APOE: variants seen among roughly 807,000 people sequenced by gnomAD.
APOE encodes apolipoprotein E3.
In APOE, 10 loss-of-function variants were observed where a neutral mutation model predicts 13.1. That is an observed-to-expected ratio of 0.76 (90% confidence interval 0.47 to 1.29). APOE has a LOEUF of 1.29. APOE is among the 50% of genes most tolerant of loss of function. APOE has a pLI of 0.00. For missense variants in APOE, 471 were observed against 459.6 expected (o/e 1.02, Z -0.23); for synonymous variants, 211 against 207.1 (o/e 1.02, Z -0.16).
chr19:44,907,307 T>A lies in APOE; in HGVS notation c.44-453T>A, dbSNP rs1969826588. On this transcript the variant is annotated intron_variant, in intron 2 of 3. Transcript: ENST00000252486. This position sits in a 1 kb window ranked among gnomAD's most constrained non-coding sequence, Gnocchi z 4.1. The stretch of plus-strand genomic sequence containing the variant: ...GGGGCACACAAGGACACTCAATACA[T>A]GCTTTTCCGCTGGGCGCGGTGGCTC... 3.7e-6 allele frequency: 1 copy of A among 271,152 alleles called. No individual in the cohort carries two copies. The highest frequency in any genetic ancestry group is 4.7e-5 in the Admixed American group (1 of 21,180). The allele number at this position is 271,152 out of a possible 1,614,324, so 16.8% of individuals were successfully genotyped here.
Position 44,906,629 on chromosome 19 carries a change from A to G in APOE, c.5A>G (p.Lys2Arg). The change falls in exon 2 of 4, where the codon AAG (lysine) becomes AGG (arginine). Residue 2 changes from lysine (K) to arginine (R), a missense_variant. Transcript: ENST00000252486. M[K>R]VLWAALLVTF... is the part of the protein sequence containing the mutation. ...TGGCCAATCACAGGCAGGAAGATGA[A>G]GGTTCTGTGGGCTGCGTTGCTGGTC... 15 of 1,613,926 alleles carry G rather than the reference A, an allele frequency of 9.3e-6. No homozygotes were observed. Among genetic ancestry groups the G allele is most frequent in the Non-Finnish European group, 1.3e-5 (15 of 1,179,960 alleles).
chr19:44,906,608 C>T lies in APOE; in HGVS notation c.-17C>T. ...ACAGTTTCTCCTTCCCCAGACTGGC[C>T]AATCACAGGCAGGAAGATGAAGGTT... On this transcript the variant is annotated 5_prime_UTR_variant, in exon 2 of 4. Transcript: ENST00000252486. 6.2e-7 allele frequency: 1 copy of T among 1,614,014 alleles called. No individual in the cohort carries two copies. Among genetic ancestry groups the T allele is most frequent in the Non-Finnish European group, 8.5e-7 (1 of 1,180,000 alleles).
chr19:44,907,732 T>A lies in APOE; in HGVS notation c.44-28T>A. 1 of 1,589,550 alleles carries A rather than the reference T, an allele frequency of 6.3e-7. No individual in the cohort carries two copies. The highest frequency in any genetic ancestry group is 1.1e-5 in the South Asian group (1 of 88,700). On this transcript the variant is annotated intron_variant, in intron 2 of 3. Transcript: ENST00000252486. This position sits in a 1 kb window ranked among gnomAD's most constrained non-coding sequence, Gnocchi z 4.1. ...TGCCTGGACGGGGTCAGAAGGACCC[T>A]GACCCACCTTGAACTTGTTCCACAC...
At position 44,907,711 on chromosome 19, in the gene APOE, T is replaced by C. The variant is rs1377258817; in HGVS notation, c.44-49T>C. Reference sequence around the variant, plus strand: ...TGTGTGCCCCTAGGTACTAGATGCCTGGACGGGGTCAGAAGGACCCTGACC... The same window carrying C: ...TGTGTGCCCCTAGGTACTAGATGCCCGGACGGGGTCAGAAGGACCCTGACC... On this transcript the variant is annotated intron_variant, in intron 2 of 3. Transcript: ENST00000252486. The surrounding 1 kb of genome is among the most constrained non-coding windows in gnomAD (Gnocchi z 4.1). 2 of 1,541,732 alleles carry C rather than the reference T, an allele frequency of 1.3e-6. No homozygotes were observed. Among genetic ancestry groups the C allele is most frequent in the African/African-American group, 1.4e-5 (1 of 73,572 alleles).
In APOE at chr19:44,905,811, G is replaced by A. The variant is rs1259144312; in HGVS notation, c.-54G>A. 1 of 1,274,544 alleles carries A rather than the reference G, an allele frequency of 7.8e-7. No individual in the cohort carries two copies. The highest frequency in any genetic ancestry group is 1.0e-6 in the Non-Finnish European group (1 of 964,772). The allele number at this position is 1,274,544 out of a possible 1,614,324, so 79.0% of individuals were successfully genotyped here. On this transcript the variant is annotated 5_prime_UTR_variant, in exon 1 of 4. Transcript: ENST00000252486. ...TCCTTGAGTCCTACTCAGCCCCAGC[G>A]GAGGTGAAGGACGTCCTTCCCCAGG...
intron 2 of APOE, chr19:44,906,925 G>A: frequency 1.9e-6 from 1 of 535,562 alleles, no homozygotes; most frequent in Non-Finnish European, 3.4e-6. Context: ...CTGTCGCCCA[G>A]GCTGGAGTGC....
rs1568615382 is a variant in APOE, at chr19:44,906,640, G to A, written c.16G>A (p.Ala6Thr). The A allele has an allele frequency of 1.5e-5, 25 of 1,614,132 alleles. No homozygotes were observed. The highest frequency in any genetic ancestry group is 2.0e-5 in the Non-Finnish European group (24 of 1,180,022). ...AGGCAGGAAGATGAAGGTTCTGTGG[G>A]CTGCGTTGCTGGTCACATTCCTGGC... MKVLW[A>T]ALLVTFLAGC... is the part of the protein sequence containing the mutation. The change falls in exon 2 of 4, where the codon GCT (alanine) becomes ACT (threonine). Residue 6 changes from alanine to threonine, a missense_variant. Transcript: ENST00000252486.
chr19:44,908,577 CG>C lies in APOE; in HGVS notation c.283del (p.Glu95AsnfsTer6). ...ETMKELKAYK[S>X]ELEEQLTPVA... is the part of the protein sequence containing the mutation. ...ATGAAGGAGTTGAAGGCCTACAAAT[CG>C]GAACTGGAGGAACAACTGACCCCGG... On this transcript the variant is annotated frameshift_variant, in exon 4 of 4. Coordinates refer to ENST00000252486, the MANE Select transcript of APOE (RefSeq NM_000041.4). LOFTEE classifies it low-confidence loss of function (END_TRUNC). 6.2e-7 allele frequency: 1 copy of C among 1,613,660 alleles called. No individual in the cohort carries two copies. Among genetic ancestry groups the C allele is most frequent in the Non-Finnish European group, 8.5e-7 (1 of 1,179,666 alleles).
Position 44,909,152 on chromosome 19 carries a change from C to T in APOE, c.856C>T (p.Leu286=), listed in dbSNP as rs750138933. ...CCGCCTCAAGAGCTGGTTCGAGCCC[C>T]TGGTGGAAGACATGCAGCGCCAGTG... ...QARLKSWFEP[L]VEDMQRQWAG... The change falls in exon 4 of 4, where the codon CTG becomes TTG. Residue 286 remains leucine (L), a synonymous_variant. Transcript: ENST00000252486. The T allele has an allele frequency of 4.4e-6, 7 of 1,601,522 alleles. No individual in the cohort carries two copies. In the Middle Eastern group the frequency reaches 8.4e-4, roughly 193 times the overall value.
intron 1 of APOE, 151 bp from the exon 2 acceptor site, chr19:44,906,450 TG>T (rs1419735889): frequency 2.6e-6 from 2 of 769,016 alleles, no homozygotes; most frequent in African/African-American, 1.7e-5. Context: ...GGGAATGGGT[TG>T]GGGGCGGCTT....
Position 44,908,513 on chromosome 19 carries a change from T to A in APOE, c.237-20T>A. 1.9e-5 allele frequency: 28 copies of A among 1,491,380 alleles called. No individual in the cohort carries two copies. The highest frequency in any genetic ancestry group is 5.4e-5 in the East Asian group (2 of 36,914). The allele number at this position is 1,491,380 out of a possible 1,614,324, so 92.4% of individuals were successfully genotyped here. A position where few individuals can be genotyped will look rare whatever the true frequency, so the allele number is the denominator to read the frequency against. On this transcript the variant is annotated intron_variant, in intron 3 of 3. Transcript: ENST00000252486. ...CCCCGCCTCCCACTGTGCGACACCC[T>A]CCCGCCCTCTCGGCCGCAGGGCGCT...
chr19:44,907,048 C>T lies in APOE; in HGVS notation c.43+381C>T, dbSNP rs931838269. ...GGCACATGCCACCACACCCGACTAACTTTTTTGTATTTTCAGTAGAGACGG... is the reference window on the plus strand; with the variant it reads ...GGCACATGCCACCACACCCGACTAATTTTTTTGTATTTTCAGTAGAGACGG... On this transcript the variant is annotated intron_variant, in intron 2 of 3. Transcript: ENST00000252486. This position sits in a 1 kb window ranked among gnomAD's most constrained non-coding sequence, Gnocchi z 4.1. 10 of 263,634 alleles carry T rather than the reference C, an allele frequency of 3.8e-5. No individual in the cohort carries two copies. Among genetic ancestry groups the T allele is most frequent in the Non-Finnish European group, 7.4e-5 (10 of 134,912 alleles). The allele number at this position is 263,634 out of a possible 1,614,324, so 16.3% of individuals were successfully genotyped here. A position where few individuals can be genotyped will look rare whatever the true frequency, so the allele number is the denominator to read the frequency against.
In APOE at chr19:44,907,045, T is replaced by C. The variant is rs1969822396; in HGVS notation, c.43+378T>C. 7.5e-6 allele frequency: 2 copies of C among 265,758 alleles called. No homozygotes were observed. Among genetic ancestry groups the C allele is most frequent in the Non-Finnish European group, 1.5e-5 (2 of 136,240 alleles). 16.5% of individuals were successfully genotyped at this position (265,758 alleles called of 1,614,324 possible). A position where few individuals can be genotyped will look rare whatever the true frequency, so the allele number is the denominator to read the frequency against. ...ACAGGCACATGCCACCACACCCGAC[T>C]AACTTTTTTGTATTTTCAGTAGAGA... On this transcript the variant is annotated intron_variant, in intron 2 of 3. Coordinates refer to ENST00000252486, the MANE Select transcript of APOE (RefSeq NM_000041.4). This position sits in a 1 kb window ranked among gnomAD's most constrained non-coding sequence, Gnocchi z 4.1.
rs912866191 is a variant in APOE, at chr19:44,908,409, G to A, written c.237-124G>A. The A allele has an allele frequency of 1.5e-5, 14 of 950,348 alleles. No homozygotes were observed. The highest frequency in any genetic ancestry group is 2.2e-5 in the Non-Finnish European group (13 of 603,722). The allele number at this position is 950,348 out of a possible 1,614,324, so 58.9% of individuals were successfully genotyped here. ...GCATCTGTCTCTGTCTCCTTCTCTC[G>A]GCCTCTGCCCCGTTCCTTCTCTCCC... On this transcript the variant is annotated intron_variant, in intron 3 of 3. Coordinates refer to ENST00000252486, the MANE Select transcript of APOE (RefSeq NM_000041.4).
In APOE at chr19:44,909,023, AC is replaced by A; in HGVS notation, c.730del (p.Arg244AlafsTer7). ...RARMEEMGSR[T>X]RDRLDEVKEQ... Reference sequence around the variant, plus strand: ...GCGGATGGAGGAGATGGGCAGCCGGACCCGCGACCGCCTGGACGAGGTGAAG... The same window carrying A: ...GCGGATGGAGGAGATGGGCAGCCGGACCGCGACCGCCTGGACGAGGTGAAG... On this transcript the variant is annotated frameshift_variant, in exon 4 of 4. Transcript: ENST00000252486. LOFTEE classifies it low-confidence loss of function (END_TRUNC). The A allele has an allele frequency of 6.5e-7, 1 of 1,540,414 alleles. No homozygotes were observed. Among genetic ancestry groups the A allele is most frequent in the Non-Finnish European group, 8.7e-7 (1 of 1,148,560 alleles).
Position 44,905,805 on chromosome 19 carries a change from C to A in APOE, c.-60C>A. 7.9e-7 allele frequency: 1 copy of A among 1,268,178 alleles called. No homozygotes were observed. Among genetic ancestry groups the A allele is most frequent in the Non-Finnish European group, 1.0e-6 (1 of 959,708 alleles). The allele number at this position is 1,268,178 out of a possible 1,614,324, so 78.6% of individuals were successfully genotyped here. A position where few individuals can be genotyped will look rare whatever the true frequency, so the allele number is the denominator to read the frequency against. On this transcript the variant is annotated 5_prime_UTR_variant, in exon 1 of 4. Coordinates refer to ENST00000252486, the MANE Select transcript of APOE (RefSeq NM_000041.4). ...CTGGGATCCTTGAGTCCTACTCAGCCCCAGCGGAGGTGAAGGACGTCCTTC... is the reference window on the plus strand; with the variant it reads ...CTGGGATCCTTGAGTCCTACTCAGCACCAGCGGAGGTGAAGGACGTCCTTC...
At position 44,909,305 on chromosome 19, in the gene APOE, C is replaced by T; in HGVS notation, c.*55C>T. 3 of 1,534,266 alleles carry T rather than the reference C, an allele frequency of 2.0e-6. No homozygotes were observed. The highest frequency in any genetic ancestry group is 2.3e-4 in the Middle Eastern group (1 of 4,352). ...CGCCACCCCGTGCCTCCTGCCTCCG[C>T]GCAGCCTGCAGCGGGAGACCCTGTC... On this transcript the variant is annotated 3_prime_UTR_variant, in exon 4 of 4. Transcript: ENST00000252486.
chr19:44,907,001 C>T lies in APOE; in HGVS notation c.43+334C>T, dbSNP rs1169868192. 5.6e-6 allele frequency: 2 copies of T among 354,894 alleles called. No homozygotes were observed. The highest frequency in any genetic ancestry group is 4.3e-5 in the Admixed American group (1 of 23,192). 22.0% of individuals were successfully genotyped at this position (354,894 alleles called of 1,614,324 possible). A position where few individuals can be genotyped will look rare whatever the true frequency, so the allele number is the denominator to read the frequency against. ...GTCCACGCCATTCTCCTGCCTCAGC[C>T]TCCCAAGTAGCTGGGACTACAGGCA... is the stretch of plus-strand genomic sequence containing the variant. On this transcript the variant is annotated intron_variant, in intron 2 of 3. Coordinates refer to ENST00000252486, the MANE Select transcript of APOE (RefSeq NM_000041.4). The surrounding 1 kb of genome is among the most constrained non-coding windows in gnomAD (Gnocchi z 4.1).
In APOE at chr19:44,909,259, G is replaced by T. The variant is rs1969890723; in HGVS notation, c.*9G>T. On this transcript the variant is annotated 3_prime_UTR_variant, in exon 4 of 4. Coordinates refer to ENST00000252486, the MANE Select transcript of APOE (RefSeq NM_000041.4). Reference sequence around the variant, plus strand: ...CCAGCGACAATCACTGAACGCCGAAGCCTGCAGCCATGCGACCCCACGCCA... The same window carrying T: ...CCAGCGACAATCACTGAACGCCGAATCCTGCAGCCATGCGACCCCACGCCA... The T allele has an allele frequency of 1.9e-6, 3 of 1,596,030 alleles. No homozygotes were observed. Among genetic ancestry groups the T allele is most frequent in the Non-Finnish European group, 2.5e-6 (3 of 1,179,094 alleles).
Sources: allele counts gnomAD v4.1 joint callset, GRCh38; gene constraint gnomAD v4.1.1; non-coding constraint Gnocchi (gnomAD v3.1); transcripts MANE v1.5; gene names NCBI Gene and HGNC (gene_info 2026-07-23, HGNC 2026-07-21).